The following LEPR variants were observed in gnomAD, a reference collection of about 807,000 sequenced individuals.
LEPR encodes the protein OB receptor.
A neutral mutation model predicts 114.7 loss-of-function variants in LEPR; 56 were observed. The observed-to-expected ratio is 0.49, with a 90% CI of 0.39 to 0.61. The LOEUF (loss-of-function observed/expected upper bound fraction) is 0.61. Among genes scored for constraint, LEPR ranks in the 20% least tolerant of loss-of-function variants. The pLI, the probability that LEPR is intolerant of heterozygous loss-of-function variation, is 0.00. For synonymous variants in LEPR, 443 were observed against 461.4 expected (o/e 0.96, Z 0.51); for missense variants, 1,202 against 1,352.9 (o/e 0.89, Z 1.75).
intron 4 of LEPR, 25 bp downstream of exon 4, chr1:65,570,827 G>A (rs971603293): frequency 6.6e-7 from 1 of 1,507,744 alleles, no homozygotes; most frequent in African/African-American, 1.4e-5. Context: ...TGTTTTAAAT[G>A]TATTGAACAA....
chr1:65,477,286 C>T lies in LEPR; in HGVS notation c.-21+51908C>T, dbSNP rs575455813. On this transcript the variant is annotated intron_variant, in intron 2 of 19. Coordinates refer to ENST00000349533, the MANE Select transcript of LEPR (RefSeq NM_002303.6). Reference sequence around the variant, plus strand: ...AACTTATCTCCCCACCTCCCCGTGGCCCCACTTCCACATACATACTAGAAT... The same window carrying T: ...AACTTATCTCCCCACCTCCCCGTGGTCCCACTTCCACATACATACTAGAAT... 2.0e-5 allele frequency among the ~76,000 whole-genome samples: 3 copies of T among 152,308 alleles called. No individual in the cohort carries two copies. In the South Asian group the frequency reaches 6.2e-4, roughly 32 times the overall value.
At chr1:65,570,412 C>G (rs971934217) in intron 3 of LEPR, 61 bp from the exon 4 acceptor site, 44 of 1,505,354 alleles carry the variant, frequency 2.9e-5, no homozygotes, top group Non-Finnish European at 4.0e-5. Context: ...CAGATACTTT[C>G]TATTCATGTC....
intron 2 of LEPR, among the ~76,000 whole-genome samples, chr1:65,554,225 C>G (rs1652646023): frequency 3.3e-5 from 5 of 152,192 alleles, no homozygotes; most frequent in Admixed American, 2.6e-4. Flanking sequence ...TTTAGTAAAG[C>G]TGAAGCGCTG....
At chr1:65,491,159 C>T (rs1647847295) in intron 2 of LEPR, among the ~76,000 whole-genome samples, 1 of 152,060 alleles carries the variant, frequency 6.6e-6, no homozygotes, top group African/African-American at 2.4e-5. Flanking sequence ...CCTTACTACA[C>T]CCTAACAAAG....
rs562456245 is a variant in LEPR, at chr1:65,546,288, C to T, written c.-20-19258C>T. Among the ~76,000 whole-genome samples the T allele has an allele frequency of 1.1e-4, 16 of 152,208 alleles. No individual in the cohort carries two copies. The East Asian group carries it at 1.7e-3, about 17-fold the overall frequency. Reference sequence around the variant, plus strand: ...TTGGCTTAGGATTGACTTGGCGATGCGGGCTCTTTTTTGGTTCCATGTGAA... The same window carrying T: ...TTGGCTTAGGATTGACTTGGCGATGTGGGCTCTTTTTTGGTTCCATGTGAA... On this transcript the variant is annotated intron_variant, in intron 2 of 19. Coordinates refer to ENST00000349533, the MANE Select transcript of LEPR (RefSeq NM_002303.6).
At chr1:65,446,690 T>C (rs943110435) in intron 2 of LEPR, among the ~76,000 whole-genome samples, 1 of 152,216 alleles carries the variant, frequency 6.6e-6, no homozygotes, top group African/African-American at 2.4e-5. Context: ...ATTGTATATC[T>C]CATTTGCAAA....
intron 2 of LEPR, among the ~76,000 whole-genome samples, chr1:65,467,489 T>C (rs959109476): frequency 6.6e-6 from 1 of 151,996 alleles, no homozygotes; most frequent in African/African-American, 2.4e-5. Context: ...TACACGGGGG[T>C]CAGGGACCCA....
In LEPR at chr1:65,572,425, A is replaced by C. The variant is rs754710690; in HGVS notation, c.470A>C (p.Tyr157Ser). The change falls in exon 5 of 20, where the codon TAT (tyrosine) becomes TCT (serine). Residue 157 changes from tyrosine to serine, a missense_variant. Physicochemically the swap from Tyr to Ser is moderately radical, Grantham distance 144. Transcript: ENST00000349533. ...LFKNLFRNYNYKVHLLYVLPE... is the reference protein window; with the variant it reads ...LFKNLFRNYNSKVHLLYVLPE... ...AAGAATCTATTCAGGAATTATAACT[A>C]TAAGGTCCATCTTTTATATGTTCTG... is the stretch of plus-strand genomic sequence containing the variant. 1.9e-6 allele frequency: 3 copies of C among 1,598,386 alleles called. No individual in the cohort carries two copies. In the African/African-American group the frequency reaches 4.0e-5, roughly 22 times the overall value.
intron 2 of LEPR, among the ~76,000 whole-genome samples, chr1:65,522,031 A>T (rs2100584354): frequency 6.6e-6 from 1 of 152,298 alleles, no homozygotes; most frequent in South Asian, 2.1e-4. Context: ...CAAATTTTTA[A>T]GATCTGTGTG....
At chr1:65,616,782 A>T (rs1429273283) in intron 15 of LEPR, among the ~76,000 whole-genome samples, 3 of 152,108 alleles carry the variant, frequency 2.0e-5, no homozygotes, top group East Asian at 3.9e-4. Flanking sequence ...CCCACTTTCA[A>T]TAGGAATTTC....
chr1:65,631,892 G>A (rs1292518748), intron 19 of LEPR, among the ~76,000 whole-genome samples: 1 of 151,850 alleles, frequency 6.6e-6, no homozygotes, highest in Non-Finnish European at 1.5e-5. Context: ...GATATTTTAA[G>A]CCTCTTTAAT....
chr1:65,571,556 C>T (rs1458051145), intron 4 of LEPR, among the ~76,000 whole-genome samples: 2 of 151,162 alleles, frequency 1.3e-5, no homozygotes, highest in African/African-American at 4.9e-5. Flanking sequence ...CATATCTTTT[C>T]CTCCCTTAAA....
At chr1:65,427,348 A>G (rs1456532028) in intron 2 of LEPR, among the ~76,000 whole-genome samples, 1 of 152,162 alleles carries the variant, frequency 6.6e-6, no homozygotes, top group Non-Finnish European at 1.5e-5. Flanking sequence ...CAACGGTAGG[A>G]GGATTGCTTG....
intron 5 of LEPR, among the ~76,000 whole-genome samples, chr1:65,592,220 G>C (rs1256997040): frequency 7.0e-6 from 1 of 142,732 alleles, no homozygotes; most frequent in Non-Finnish European, 1.5e-5. Context: ...TAATTTCTTT[G>C]TGTGAAACCA....
At chr1:65,587,082 A>G (rs1447701451) in intron 5 of LEPR, among the ~76,000 whole-genome samples, 2 of 152,048 alleles carry the variant, frequency 1.3e-5, no homozygotes. Flanking sequence ...AAGTAAGATG[A>G]TGTGATTCTA....
intron 2 of LEPR, among the ~76,000 whole-genome samples, chr1:65,471,034 T>A (rs1390059257): frequency 2.0e-5 from 3 of 152,236 alleles, no homozygotes; most frequent in African/African-American, 7.2e-5. Context: ...TTCTTGTATG[T>A]GGCAGTAAAG....
At chr1:65,634,367 GA>G in intron 19 of LEPR, 2 of 972,002 alleles carry the variant, frequency 2.1e-6, no homozygotes, top group African/African-American at 1.8e-5. Flanking sequence ...ATCTAAGTAT[GA>G]AATTATGAAA....
chr1:65,449,209 CT>C (rs1480799613), intron 2 of LEPR, among the ~76,000 whole-genome samples: 7 of 142,770 alleles, frequency 4.9e-5, no homozygotes, highest in Non-Finnish European at 1.1e-4. Context: ...TTTGTGTCAT[CT>C]TTTTGTTTTT....
intron 2 of LEPR, among the ~76,000 whole-genome samples, chr1:65,501,786 G>A (rs1201796891): frequency 6.6e-6 from 1 of 152,026 alleles, no homozygotes; most frequent in South Asian, 2.1e-4. Context: ...TCATAAAACA[G>A]GTGTAACACA....
Sources: gnomAD v4.1 joint callset for allele counts (sites outside exome capture counted in the v4.1 genomes callset) on GRCh38, gnomAD v4.1.1 for gene constraint, MANE v1.5 for transcripts, NCBI Gene and HGNC (gene_info 2026-07-23, HGNC 2026-07-21) for gene names.